Variants in THSD7B observed in about 807,000 individuals in gnomAD.
THSD7B encodes the protein thrombospondin type-1 domain-containing protein 7B.
In THSD7B, 138 loss-of-function variants were observed where a neutral mutation model predicts 213.6. That is an observed-to-expected ratio of 0.65 (90% CI 0.56 to 0.74). The LOEUF is 0.74. Among genes scored for constraint, THSD7B ranks in the 30% least tolerant of loss-of-function variants. The probability of loss-of-function intolerance (pLI) is 0.00; values close to 1 mark genes in which losing one functional copy is unlikely to be tolerated. For synonymous variants in THSD7B, 742 were observed against 687.0 expected (o/e 1.08, Z -1.25); for missense variants, 1,931 against 1,991.5 (o/e 0.97, Z 0.58).
intron 14 of THSD7B, among the ~76,000 whole-genome samples, chr2:137,447,678 ACT>A (rs61196709): frequency 0.23 from 34,573 of 151,564 alleles, 4,086 homozygotes; most frequent in South Asian, 0.28. Context: ...TTTTCTGATG[ACT>A]CTTAGATTTT....
intron 4 of THSD7B, among the ~76,000 whole-genome samples, chr2:137,111,947 A>T (rs952175450): frequency 1.3e-5 from 2 of 152,200 alleles, no homozygotes; most frequent in African/African-American, 4.8e-5. Context: ...TTTGAAAGGC[A>T]TCAGAGTTGG....
At chr2:137,501,744 A>G (rs549591706) in intron 15 of THSD7B, among the ~76,000 whole-genome samples, 33 of 152,342 alleles carry the variant, frequency 2.2e-4, no homozygotes, top group African/African-American at 7.0e-4. Context: ...AAAATTGCCT[A>G]TGATTTACTA....
chr2:137,637,283 AT>A (rs547606949), intron 20 of THSD7B, among the ~76,000 whole-genome samples: 1 of 152,004 alleles, frequency 6.6e-6, no homozygotes, highest in South Asian at 2.1e-4. Flanking sequence ...ATGTTATTAG[AT>A]TTTTTTTATT....
chr2:136,942,693 T>C (rs1052521956), intron 2 of THSD7B, among the ~76,000 whole-genome samples: 4 of 152,232 alleles, frequency 2.6e-5, no homozygotes, highest in African/African-American at 7.2e-5. Context: ...TTTTCGCACA[T>C]TGATTTTATA....
intron 17 of THSD7B, among the ~76,000 whole-genome samples, chr2:137,595,128 T>TA (rs1358800462): frequency 2.0e-5 from 3 of 152,008 alleles, no homozygotes; most frequent in African/African-American, 7.2e-5. Flanking sequence ...TTCCAGTTTT[T>TA]ATGCAATGGA....
At chr2:137,586,332 T>A (rs1185488934) in intron 17 of THSD7B, among the ~76,000 whole-genome samples, 1 of 152,228 alleles carries the variant, frequency 6.6e-6, no homozygotes, top group Non-Finnish European at 1.5e-5. Flanking sequence ...TTAGCCCATT[T>A]ACATTTAAGG....
At chr2:137,524,826 C>T (rs1390257756) in intron 15 of THSD7B, among the ~76,000 whole-genome samples, 1 of 152,118 alleles carries the variant, frequency 6.6e-6, no homozygotes, top group Non-Finnish European at 1.5e-5. Context: ...AGTGACTTTT[C>T]TCAGTGGTGG....
At chr2:137,412,649 A>G (rs1249909138) in intron 14 of THSD7B, among the ~76,000 whole-genome samples, 1 of 151,020 alleles carries the variant, frequency 6.6e-6, no homozygotes, top group Non-Finnish European at 1.5e-5. Context: ...TATAAAGTAT[A>G]AGTATACCCA....
chr2:137,173,218 G>A (rs184677200), intron 7 of THSD7B, among the ~76,000 whole-genome samples: 277 of 152,182 alleles, frequency 1.8e-3, no homozygotes, highest in Admixed American at 3.3e-3. Context: ...TATTCTACCC[G>A]GTCCTGAAGA....
At chr2:136,955,667 T>C (rs1685112043) in intron 2 of THSD7B, among the ~76,000 whole-genome samples, 2 of 152,200 alleles carry the variant, frequency 1.3e-5, no homozygotes, top group South Asian at 4.1e-4. Flanking sequence ...GAACGTTGCA[T>C]CTGAAGGATG....
chr2:137,294,599 A>G (rs1437753402), intron 12 of THSD7B, among the ~76,000 whole-genome samples: 5 of 150,820 alleles, frequency 3.3e-5, no homozygotes, highest in South Asian at 2.1e-4. Context: ...AAAAAAAAAA[A>G]AAAAAGAAAG....
At chr2:137,369,140 C>CG (rs923329898) in intron 12 of THSD7B, among the ~76,000 whole-genome samples, 6 of 19,170 alleles carry the variant, frequency 3.1e-4, no homozygotes, top group South Asian at 2.8e-3. Flanking sequence ...GGAGGGGGGG[C>CG]GGGGGGGACC....
intron 15 of THSD7B, among the ~76,000 whole-genome samples, chr2:137,487,097 G>A (rs1297229144): frequency 1.3e-5 from 2 of 149,798 alleles, no homozygotes; most frequent in Middle Eastern, 3.2e-3. Context: ...GGCCGGGCGC[G>A]GTGGCTCACG....
chr2:137,165,351 A>G (rs184032362), intron 6 of THSD7B, among the ~76,000 whole-genome samples: 123 of 152,310 alleles, frequency 8.1e-4, no homozygotes, highest in Non-Finnish European at 8.8e-5. Flanking sequence ...CCACCTGCCT[A>G]TATTCCCTCT....
intron 15 of THSD7B, among the ~76,000 whole-genome samples, chr2:137,522,812 A>G (rs1466098501): frequency 6.6e-6 from 1 of 152,200 alleles, no homozygotes; most frequent in Non-Finnish European, 1.5e-5. Flanking sequence ...CACAGTATAC[A>G]CTTATACCAG....
rs1683808045 is a variant in THSD7B, at chr2:136,890,381, TCCTCTTCCTCTTCCTCTTCCTCTTCC to T, written c.139+8065_139+8090del. 3.9e-3 allele frequency among the ~76,000 whole-genome samples: 10 copies of T among 2,552 alleles called. 3 individuals carry two copies. The highest frequency in any genetic ancestry group is 7.2e-3 in the Non-Finnish European group (6 of 836). 1.7% of individuals were successfully genotyped at this position (2,552 alleles called of 152,430 possible). On this transcript the variant is annotated intron_variant, in intron 2 of 27. Coordinates refer to ENST00000409968, the MANE Select transcript of THSD7B (RefSeq NM_001316349.2). Reference sequence around the variant, plus strand: ...TTCTTCTTCTTCTTCTTCTTCCTCTTCCTCTTCCTCTTCCTCTTCCTCTTCCTCTTCTTCTTCTTCTTCTTCTTCTT... The same window carrying T: ...TTCTTCTTCTTCTTCTTCTTCCTCTTTCTTCTTCTTCTTCTTCTTCTTCTT...
intron 15 of THSD7B, among the ~76,000 whole-genome samples, chr2:137,506,317 A>C (rs1390397626): frequency 6.6e-6 from 1 of 152,172 alleles, no homozygotes; most frequent in Non-Finnish European, 1.5e-5. Context: ...CACCATTTAC[A>C]CACAAGGGGG....
rs540330288 is a variant in THSD7B, at chr2:136,769,110, G to A, written c.-36+3423G>A. On this transcript the variant is annotated intron_variant, in intron 1 of 27. Transcript: ENST00000409968. ...CTCCATCTACCGAGATTATTTTGTG[G>A]ACGTTTTAGTAGGATGTTCATGGGT... Among the ~76,000 whole-genome samples, 9 of 152,276 alleles carry A rather than the reference G, an allele frequency of 5.9e-5. No homozygotes were observed. The South Asian group carries it at 1.9e-3, about 32-fold the overall frequency.
At chr2:137,214,621 C>G (rs200539817) in intron 7 of THSD7B, among the ~76,000 whole-genome samples, 1 of 151,514 alleles carries the variant, frequency 6.6e-6, no homozygotes. Context: ...TGTGATGTTC[C>G]CCTCCCTGTG....
Sources: gnomAD v4.1 joint callset for allele counts (sites outside exome capture counted in the v4.1 genomes callset) on GRCh38, gnomAD v4.1.1 for gene constraint, MANE v1.5 for transcripts, NCBI Gene and HGNC (gene_info 2026-07-23, HGNC 2026-07-21) for gene names.